The following TNRC6A variants were observed in gnomAD, a reference collection of about 807,000 sequenced individuals.
The protein encoded by TNRC6A is trinucleotide repeat containing adaptor 6A.
In TNRC6A, 44 loss-of-function variants were observed where a neutral mutation model predicts 221.2. The ratio of observed to expected loss-of-function variants is 0.20; its 90% CI spans 0.16 to 0.26. The LOEUF is 0.26. TNRC6A is among the 10% of genes least tolerant of loss of function. The pLI, the probability that TNRC6A is intolerant of heterozygous loss-of-function variation, is 1.00. For missense variants in TNRC6A, 2,199 were observed against 2,404.4 expected, an observed-to-expected ratio of 0.91 and a Z score of 1.79; for synonymous variants, 847 against 838.5, an observed-to-expected ratio of 1.01 and a Z score of -0.18.
At chr16:24,778,635 C>A (rs536713881) in intron 5 of TNRC6A, among the ~76,000 whole-genome samples, 1 of 152,088 alleles carries the variant, frequency 6.6e-6, no homozygotes, top group African/African-American at 2.4e-5. Context: ...AGTACCCAAC[C>A]CTATAAGGCT....
chr16:24,661,028 A>C (rs539994259), intron 2 of TNRC6A, among the ~76,000 whole-genome samples: 2 of 152,058 alleles, frequency 1.3e-5, no homozygotes, highest in Non-Finnish European at 2.9e-5. Flanking sequence ...GGCGTGAGCC[A>C]CCACGCCCTG....
Position 24,810,426 on chromosome 16 carries a change from A to G in TNRC6A, c.4672+945A>G, listed in dbSNP as rs72770418. Among the ~76,000 whole-genome samples the G allele has an allele frequency of 8.2e-3, 1,250 of 152,328 alleles. 10 individuals carry two copies. The highest frequency in any genetic ancestry group is 0.041 in the Middle Eastern group (12 of 294). ...GGAATTGTTCATTGTGAACGAAAGT[A>G]TGTCAGCAGCTTTAGTACAATATAA... On this transcript the variant is annotated intron_variant, in intron 18 of 24. Transcript: ENST00000395799.
chr16:24,809,768 T>C (rs1337677849), intron 18 of TNRC6A, among the ~76,000 whole-genome samples: 1 of 151,958 alleles, frequency 6.6e-6, no homozygotes, highest in East Asian at 1.9e-4. Context: ...TTTATTCTTA[T>C]ATTATTACAC....
At chr16:24,782,029 AGCCAGGG>A (rs2057860686) in intron 5 of TNRC6A, among the ~76,000 whole-genome samples, 1 of 151,980 alleles carries the variant, frequency 6.6e-6, no homozygotes. Flanking sequence ...TCACCATGTT[AGCCAGGG>A]TGGTCTCCAT....
chr16:24,722,783 G>A (rs1290519659), intron 2 of TNRC6A, among the ~76,000 whole-genome samples: 1 of 152,136 alleles, frequency 6.6e-6, no homozygotes, highest in Non-Finnish European at 1.5e-5. Context: ...ACAAAAAAGA[G>A]GCAAAGAGAA....
intron 1 of TNRC6A, among the ~76,000 whole-genome samples, chr16:24,624,352 A>T (rs941828160): frequency 6.6e-6 from 1 of 152,248 alleles, no homozygotes; most frequent in Non-Finnish European, 1.5e-5. Context: ...AGCAGAGGGC[A>T]TGAATACAAG....
chr16:24,714,386 G>A (rs1454508715), intron 2 of TNRC6A, among the ~76,000 whole-genome samples: 3 of 132,032 alleles, frequency 2.3e-5, no homozygotes, highest in African/African-American at 2.9e-5. Context: ...TTGACTCACT[G>A]CAAGCTCCGC....
intron 2 of TNRC6A, among the ~76,000 whole-genome samples, chr16:24,649,056 G>A (rs1448042542): frequency 6.6e-6 from 1 of 151,980 alleles, no homozygotes; most frequent in Non-Finnish European, 1.5e-5. Flanking sequence ...TGAGGCGGGA[G>A]GATCGCTTGA....
intron 17 of TNRC6A, 70 bp downstream of exon 17, chr16:24,806,854 C>A: frequency 7.2e-7 from 1 of 1,396,708 alleles, no homozygotes; most frequent in Non-Finnish European, 1.0e-6. Context: ...TTCACACGTA[C>A]CCTTACAGCT....
chr16:24,780,885 C>A (rs1270801719), intron 5 of TNRC6A, among the ~76,000 whole-genome samples: 1 of 151,878 alleles, frequency 6.6e-6, no homozygotes, highest in Non-Finnish European at 1.5e-5. Context: ...CTGTCCATCC[C>A]CATCCATCCG....
At chr16:24,688,190 T>C (rs8051058) in intron 2 of TNRC6A, among the ~76,000 whole-genome samples, 125,465 of 151,556 alleles carry the variant, frequency 0.83, 52,492 homozygotes, top group African/African-American at 0.95. Flanking sequence ...CTGCTGATCT[T>C]GGCCTCCCAA....
At position 24,657,317 on chromosome 16, in the gene TNRC6A, CAAAAA is replaced by C. The variant is rs56241898; in HGVS notation, n.402+16329_402+16333del. ...TGGGTAACAGAGTGAGACCCTATCT[CAAAAA>C]AAAAAAAAAAAAAAAAAAAACAAAC... On this transcript the variant is annotated intron_variant and non_coding_transcript_variant, in intron 2 of 2. Transcript: ENST00000566108. Among the ~76,000 whole-genome samples the C allele has an allele frequency of 8.8e-3, 773 of 88,186 alleles. 9 individuals are homozygous for C. The highest frequency in any genetic ancestry group is 0.036 in the African/African-American group (714 of 19,776). The allele number at this position is 88,186 out of a possible 152,430, so 57.9% of individuals were successfully genotyped here. A position where few individuals can be genotyped will look rare whatever the true frequency, so the allele number is the denominator to read the frequency against.
upstream of TNRC6A, among the ~76,000 whole-genome samples, chr16:24,726,362 CAAAA>C (rs58809989): frequency 3.0e-5 from 4 of 134,594 alleles, no homozygotes; most frequent in Non-Finnish European, 6.3e-5. Context: ...CAAAAGATAC[CAAAA>C]AAAAAAAAAA....
intron 2 of TNRC6A, among the ~76,000 whole-genome samples, chr16:24,654,980 C>T (rs576756065): frequency 1.8e-4 from 28 of 152,258 alleles, no homozygotes; most frequent in Admixed American, 7.9e-4. Flanking sequence ...CAGTGTCTCA[C>T]GCTTGTAATC....
chr16:24,737,845 A>T lies in TNRC6A; in HGVS notation c.53+7545A>T, dbSNP rs994841858. ...CCCATTCTTTTGAAGTTTCCCTAAA[A>T]CATGTGTGCACAGACGGGAGAGAAT... is the stretch of plus-strand genomic sequence containing the variant. On this transcript the variant is annotated intron_variant, in intron 2 of 24. Transcript: ENST00000395799. Among the ~76,000 whole-genome samples the T allele has an allele frequency of 5.0e-5, 7 of 140,176 alleles. No individual in the cohort carries two copies. The East Asian group carries it at 1.4e-3, about 27-fold the overall frequency. 92.0% of individuals were successfully genotyped at this position (140,176 alleles called of 152,430 possible).
chr16:24,725,998 T>TA (rs200509728), upstream of TNRC6A, among the ~76,000 whole-genome samples: 3,774 of 127,808 alleles, frequency 0.03, 128 homozygotes, highest in African/African-American at 0.091. Flanking sequence ...AGACTATGTC[T>TA]AAAAAAAAAA....
chr16:24,613,637 C>G (rs552043445), intron 1 of TNRC6A, among the ~76,000 whole-genome samples: 1 of 151,904 alleles, frequency 6.6e-6, no homozygotes, highest in Non-Finnish European at 1.5e-5. Context: ...AAGCAATTCT[C>G]CCACCTCAGC....
At position 24,729,790 on chromosome 16, in the gene TNRC6A, A is replaced by T; in HGVS notation, c.-52A>T. The T allele has an allele frequency of 7.1e-7, 1 of 1,400,546 alleles. No homozygotes were observed. The highest frequency in any genetic ancestry group is 1.6e-5 in the South Asian group (1 of 64,118). The allele number at this position is 1,400,546 out of a possible 1,614,324, so 86.8% of individuals were successfully genotyped here. A position where few individuals can be genotyped will look rare whatever the true frequency, so the allele number is the denominator to read the frequency against. ...TCCCCGCGGCGCTGCGGAGGGCTTG[A>T]GGCTCGCGAGCCTCCTTCGCCGCGC... On this transcript the variant is annotated 5_prime_UTR_variant, in exon 1 of 25. The change abolishes the stop of an existing upstream ORF in the 5' untranslated region. Coordinates refer to ENST00000395799, the MANE Select transcript of TNRC6A (RefSeq NM_014494.4).
At chr16:24,758,252 T>C in intron 3 of TNRC6A, 87 bp from the exon 4 acceptor site, 1 of 1,319,256 alleles carries the variant, frequency 7.6e-7, no homozygotes, top group Non-Finnish European at 1.1e-6. Flanking sequence ...ATATGTCTTA[T>C]ATTAATATAT....
Sources: gnomAD v4.1 joint callset for allele counts (sites outside exome capture counted in the v4.1 genomes callset) on GRCh38, gnomAD v4.1.1 for gene constraint, MANE v1.5 for transcripts, NCBI Gene and HGNC (gene_info 2026-07-23, HGNC 2026-07-21) for gene names.